Variants in CDHR4 observed in about 807,000 individuals in gnomAD.
CDHR4 encodes the protein cadherin related family member 4, also known as cadherin-related family member 4.
A neutral mutation model predicts 88.4 loss-of-function variants in CDHR4; 89 were observed. The ratio of observed to expected loss-of-function variants is 1.01; its 90% CI spans 0.85 to 1.20. CDHR4 has a LOEUF of 1.20. Among genes scored for constraint, CDHR4 ranks in the 50% most tolerant of loss-of-function variants. CDHR4 has a pLI of 0.00. For missense variants in CDHR4, 914 were observed against 1,007.2 expected (o/e 0.91, Z 1.25); for synonymous variants, 368 against 399.2 (o/e 0.92, Z 0.93).
At chr3:49,794,863 C>T (rs1442633442) in intron 9 of CDHR4, 84 bp downstream of exon 9, 1 of 1,518,162 alleles carries the variant, frequency 6.6e-7, no homozygotes, top group Admixed American at 2.0e-5. Context: ...ACCCCCACTC[C>T]CGTGGTCTCA....
upstream of CDHR4, among the ~76,000 whole-genome samples, chr3:49,800,686 C>G (rs1227176238): frequency 2.0e-5 from 3 of 151,998 alleles, no homozygotes; most frequent in Non-Finnish European, 2.9e-5. Context: ...GGCAGCTGCA[C>G]AAGTGTCTAC....
intron 11 of CDHR4, 32 bp downstream of exon 11, chr3:49,793,771 C>G (rs755299684): frequency 6.4e-7 from 1 of 1,551,586 alleles, no homozygotes; most frequent in Non-Finnish European, 8.7e-7. Context: ...CTCTGGCTCC[C>G]TGTTTCCATC....
Position 49,792,448 on chromosome 3 carries a change from C to A in CDHR4, c.2138+20G>T. 1 of 1,550,976 alleles carries A rather than the reference C, an allele frequency of 6.4e-7. No homozygotes were observed. The highest frequency in any genetic ancestry group is 8.7e-7 in the Non-Finnish European group (1 of 1,146,594). On this transcript the variant is annotated intron_variant, in intron 15 of 18. Coordinates refer to ENST00000412678, the MANE Select transcript of CDHR4 (RefSeq NM_001007540.4). ...AGGTGGGTTGGGGGCAAGTAGGGAG[C>A]ACAAGGATAGGATCCCTACCCCTGG...
Position 49,793,660 on chromosome 3 carries a change from G to C in CDHR4, c.1546C>G (p.Leu516Val), listed in dbSNP as rs1338894547. ...TGGTCTTGGCCATGGTCAATCACAAGGACAGTGAGCCTGTACAGCCTCTGC... is the reference window on the plus strand; with the variant it reads ...TGGTCTTGGCCATGGTCAATCACAACGACAGTGAGCCTGTACAGCCTCTGC... Reference protein sequence around the residue: ...EQQRLYRLTVLVIDHGQDQNP... With the variant: ...EQQRLYRLTVVVIDHGQDQNP... The change falls in exon 12 of 19, where the codon CTT (leucine) becomes GTT (valine). Residue 516 changes from leucine (L) to valine (V), a missense_variant. Transcript: ENST00000412678. 1 of 1,551,648 alleles carries C rather than the reference G, an allele frequency of 6.4e-7. No homozygotes were observed. The highest frequency in any genetic ancestry group is 1.4e-5 in the African/African-American group (1 of 73,066).
rs559952714 is a variant in CDHR4 at position 49,793,290 on chromosome 3, C to T, written c.1645G>A (p.Glu549Lys). 3.0e-5 allele frequency: 47 copies of T among 1,551,546 alleles called. No individual in the cohort carries two copies. The South Asian group carries it at 4.2e-4, about 14-fold the overall frequency. Residue 549 changes from glutamate (E) to lysine (K), a missense_variant, in exon 13 of 19, where the codon GAG becomes AAG. Glu to Lys is a moderately conservative substitution (Grantham distance 56). Transcript: ENST00000412678. ...EVEDVNDHAP[E>K]CEPPFQELTI... ...AGTTCCTGAAATGGGGGCTCACACTCGGGGGCATGGTCATTCACATCCTGC... is the reference window on the plus strand; with the variant it reads ...AGTTCCTGAAATGGGGGCTCACACTTGGGGGCATGGTCATTCACATCCTGC...
Position 49,796,002 on chromosome 3 carries a change from G to A in CDHR4, c.651C>T (p.Ser217=), listed in dbSNP as rs764428313. The change falls in exon 6 of 19, where the codon AGC becomes AGT. Residue 217 remains serine (S), a synonymous_variant. Transcript: ENST00000412678. ...QISVSFGQRQ[S]CQGMVIVKVL... is the part of the protein sequence containing the mutation. ...CCTTCACTATCACCATCCCTTGGCA[G>A]CTTTGCCTTTGTCCAAAGGACACTG... The A allele has an allele frequency of 3.9e-6, 6 of 1,544,194 alleles. No homozygotes were observed. Among genetic ancestry groups the A allele is most frequent in the South Asian group, 1.2e-5 (1 of 82,698 alleles).
intron 10 of CDHR4, 29 bp downstream of exon 10, chr3:49,794,579 G>C: frequency 1.3e-6 from 2 of 1,523,148 alleles, no homozygotes; most frequent in Non-Finnish European, 1.8e-6. Flanking sequence ...GCCTTGTCCT[G>C]GGTGTCCAGG....
At position 49,796,698 on chromosome 3, in the gene CDHR4, G is replaced by C. The variant is rs1277133374; in HGVS notation, c.606+224C>G. 2.6e-5 allele frequency among the ~76,000 whole-genome samples: 4 copies of C among 152,216 alleles called. No individual in the cohort carries two copies. In the East Asian group the frequency reaches 7.7e-4, roughly 29 times the overall value. On this transcript the variant is annotated intron_variant, in intron 5 of 18. Transcript: ENST00000412678. ...TAAACACTTTTCTTTCTATTAGAGG[G>C]CTTGTGAATTCCCAGAGAGAGGGAT...
chr3:49,798,034 A>G (rs1402961494), intron 4 of CDHR4, among the ~76,000 whole-genome samples: 3 of 150,768 alleles, frequency 2.0e-5, no homozygotes, highest in African/African-American at 7.3e-5. Flanking sequence ...CAGCTTCCCA[A>G]GTAGCTGGGA....
Position 49,790,882 on chromosome 3 carries a change from C to T in CDHR4, c.2317G>A (p.Gly773Arg), listed in dbSNP as rs764180294. 7.0e-5 allele frequency: 109 copies of T among 1,550,962 alleles called. No individual in the cohort carries two copies. Among genetic ancestry groups the T allele is most frequent in the Middle Eastern group, 1.7e-4 (1 of 5,974 alleles). The change falls in exon 19 of 19, where the codon GGA (glycine) becomes AGA (arginine). Residue 773 changes from glycine (G) to arginine (R), a missense_variant. By Grantham distance (125) the Gly-to-Arg change is moderately radical. Transcript: ENST00000412678. ...FDGRAQDSRTGRDYLFNTHTG... is the reference protein window; with the variant it reads ...FDGRAQDSRTRRDYLFNTHTG... ...TGTGTGTTAAACAGGTAGTCTCTTC[C>T]GGTACCTAAAACCGGTAGGAGAGAG...
In CDHR4 at chr3:49,790,884, G is replaced by A; in HGVS notation, c.2315C>T (p.Thr772Ile). The A allele has an allele frequency of 1.9e-6, 3 of 1,551,096 alleles. No individual in the cohort carries two copies. The highest frequency in any genetic ancestry group is 2.6e-6 in the Non-Finnish European group (3 of 1,146,680). Residue 772 changes from threonine to isoleucine, a missense_variant, in exon 19 of 19, where the codon ACC (threonine) becomes ATC (isoleucine). Thr to Ile is a moderately conservative substitution (Grantham distance 89, BLOSUM62 -1). Transcript: ENST00000412678. Reference protein sequence around the residue: ...HFDGRAQDSRTGRDYLFNTHT... With the variant: ...HFDGRAQDSRIGRDYLFNTHT... ...TGTGTTAAACAGGTAGTCTCTTCCG[G>A]TACCTAAAACCGGTAGGAGAGAGAG... is the stretch of plus-strand genomic sequence containing the variant.
chr3:49,794,181 G>A (rs575133672), intron 10 of CDHR4, among the ~76,000 whole-genome samples, 175 bp from the exon 11 acceptor site: 10 of 152,248 alleles, frequency 6.6e-5, no homozygotes, highest in East Asian at 1.9e-4. Flanking sequence ...GGCAGATCAC[G>A]AGGTCAGGAG....
chr3:49,801,177 A>G (rs759584797), upstream of CDHR4, among the ~76,000 whole-genome samples: 5 of 152,192 alleles, frequency 3.3e-5, no homozygotes, highest in Non-Finnish European at 7.3e-5. Context: ...CAGGGTTCCC[A>G]GTGACCTATG....
At chr3:49,797,072 A>C in intron 4 of CDHR4, 40 bp from the exon 5 acceptor site, 2 of 1,518,340 alleles carry the variant, frequency 1.3e-6, no homozygotes, top group Non-Finnish European at 1.8e-6. Flanking sequence ...TTCAGCCCCC[A>C]GTGCCCTGAG....
chr3:49,802,028 C>T (rs1367626811), upstream of CDHR4, among the ~76,000 whole-genome samples: 1 of 152,226 alleles, frequency 6.6e-6, no homozygotes, highest in Non-Finnish European at 1.5e-5. Context: ...CACCACCAAT[C>T]ACAGACACCT....
Position 49,794,714 on chromosome 3 carries a change from G to A in CDHR4, c.1186-13C>T, listed in dbSNP as rs1369545760. On this transcript the variant is annotated splice_polypyrimidine_tract_variant and intron_variant, in intron 9 of 18. Transcript: ENST00000412678. Reference sequence around the variant, plus strand: ...GTGTGGCATTCACCTAGCCAAAGGGGCTAGAAAGTGAGGTCCAGCCAGGGC... The same window carrying A: ...GTGTGGCATTCACCTAGCCAAAGGGACTAGAAAGTGAGGTCCAGCCAGGGC... The A allele has an allele frequency of 4.5e-6, 7 of 1,547,474 alleles. No homozygotes were observed. In the African/African-American group the frequency reaches 9.6e-5, roughly 21 times the overall value.
At position 49,799,018 on chromosome 3, in the gene CDHR4, A is replaced by G; in HGVS notation, c.379T>C (p.Cys127Arg). The change falls in exon 3 of 19, where the codon TGT becomes CGT. Residue 127 changes from cysteine (C) to arginine (R), a missense_variant. Coordinates refer to ENST00000412678, the MANE Select transcript of CDHR4 (RefSeq NM_001007540.4). Reference protein sequence around the residue: ...DVQRDLSHIQCAGQFASPAGE... With the variant: ...DVQRDLSHIQRAGQFASPAGE... ...CCTGGGCTGGCAAATTGACCAGCACACTGGATATGGCTAAGGTCCCGCTGC... is the reference window on the plus strand; with the variant it reads ...CCTGGGCTGGCAAATTGACCAGCACGCTGGATATGGCTAAGGTCCCGCTGC... 1 of 1,607,838 alleles carries G rather than the reference A, an allele frequency of 6.2e-7. No homozygotes were observed. Among genetic ancestry groups the G allele is most frequent in the Admixed American group, 1.7e-5 (1 of 59,084 alleles).
In CDHR4 at chr3:49,796,046, C is replaced by A; in HGVS notation, c.607G>T (p.Val203Phe). The A allele has an allele frequency of 6.6e-7, 1 of 1,518,908 alleles. No homozygotes were observed. The highest frequency in any genetic ancestry group is 8.8e-7 in the Non-Finnish European group (1 of 1,133,638). 94.1% of individuals were successfully genotyped at this position (1,518,908 alleles called of 1,614,324 possible). A position where few individuals can be genotyped will look rare whatever the true frequency, so the allele number is the denominator to read the frequency against. The change falls in exon 6 of 19, where the codon GTC becomes TTC. Residue 203 changes from valine to phenylalanine, a missense_variant and splice_region_variant. Coordinates refer to ENST00000412678, the MANE Select transcript of CDHR4 (RefSeq NM_001007540.4). Reference protein sequence around the residue: ...SQGLLGQAQKVFQLQISVSFG... With the variant: ...SQGLLGQAQKFFQLQISVSFG... ...GACACTGAGATTTGCAGCTGGAAGA[C>A]CTGTGGTGCACCCAGAACAGAAAAG...
rs2081214530 is a variant in CDHR4, at chr3:49,793,442, G to A, written c.1624-131C>T. 3.4e-6 allele frequency: 5 copies of A among 1,455,104 alleles called. No homozygotes were observed. In the African/African-American group the frequency reaches 7.1e-5, roughly 21 times the overall value. 90.1% of individuals were successfully genotyped at this position (1,455,104 alleles called of 1,614,324 possible). On this transcript the variant is annotated intron_variant, in intron 12 of 18. Transcript: ENST00000412678. ...TGAAGTCATCACACAACAGGCTCCA[G>A]AGCTTTCAATTAGGCCCCACTCTTC...
Sources: allele counts gnomAD v4.1 joint callset (sites outside exome capture counted in the v4.1 genomes callset), GRCh38; gene constraint gnomAD v4.1.1; transcripts MANE v1.5; gene names NCBI Gene and HGNC (gene_info 2026-07-23, HGNC 2026-07-21).